Variants in CPA6 observed in about 807,000 individuals in gnomAD.
CPA6 encodes carboxypeptidase B.
Under a neutral mutation model 63.3 loss-of-function variants are expected in CPA6, and 58 were observed. The observed-to-expected ratio is 0.92, with a 90% CI of 0.74 to 1.14. The LOEUF is 1.14. Among genes scored for constraint, CPA6 ranks in the 50% most tolerant of loss-of-function variants. The pLI, the probability that CPA6 is intolerant of heterozygous loss-of-function variation, is 0.00. For missense variants in CPA6, 565 were observed against 526.6 expected (o/e 1.07, Z -0.71); for synonymous variants, 185 against 179.0 (o/e 1.03, Z -0.27).
At chr8:67,616,501 ATGTGTGTGTGTG>A (rs4009134) in intron 2 of CPA6, among the ~76,000 whole-genome samples, 2,936 of 127,028 alleles carry the variant, frequency 0.023, 49 homozygotes, top group African/African-American at 0.062. Flanking sequence ...GGCAAATTGA[ATGTGTGTGTGTG>A]TGTGTGTGTG....
At chr8:67,431,226 A>C (rs1214174179) in intron 9 of CPA6, among the ~76,000 whole-genome samples, 1 of 151,986 alleles carries the variant, frequency 6.6e-6, no homozygotes, top group African/African-American at 2.4e-5. Context: ...ATAAAATACG[A>C]AGAACATTCT....
At chr8:67,705,266 C>A (rs1295472673) in intron 1 of CPA6, among the ~76,000 whole-genome samples, 1 of 152,170 alleles carries the variant, frequency 6.6e-6, no homozygotes, top group Non-Finnish European at 1.5e-5. Flanking sequence ...ATCCCCACCC[C>A]CGATGGCCTT....
chr8:67,434,941 G>A (rs1057041405), intron 8 of CPA6, among the ~76,000 whole-genome samples: 2 of 152,230 alleles, frequency 1.3e-5, no homozygotes, highest in East Asian at 1.9e-4. Flanking sequence ...AGGCGCCTGC[G>A]CCCAGACCCT....
At chr8:67,721,566 TAACTAGTATCAGGACACTGAC>T (rs1471078945) in intron 1 of CPA6, among the ~76,000 whole-genome samples, 1 of 152,146 alleles carries the variant, frequency 6.6e-6, no homozygotes, top group African/African-American at 2.4e-5. Context: ...CACCACAATA[TAACTAGTATCAGGACACTGAC>T]AGGGAAGGTC....
At chr8:67,632,824 T>C (rs1334508132) in intron 1 of CPA6, among the ~76,000 whole-genome samples, 1 of 152,248 alleles carries the variant, frequency 6.6e-6, no homozygotes, top group Non-Finnish European at 1.5e-5. Context: ...CTCTGTAGAC[T>C]TCGTTGCATT....
intron 1 of CPA6, among the ~76,000 whole-genome samples, chr8:67,643,923 C>A (rs1192058631): frequency 6.6e-6 from 1 of 152,096 alleles, no homozygotes; most frequent in Non-Finnish European, 1.5e-5. Flanking sequence ...AAAATAGACA[C>A]TGGCTTGTTA....
intron 1 of CPA6, among the ~76,000 whole-genome samples, chr8:67,681,250 C>G (rs1018242373): frequency 8.1e-6 from 1 of 123,330 alleles, no homozygotes; most frequent in Non-Finnish European, 1.6e-5. Context: ...TCGCCCAGGC[C>G]GGACTGCGGA....
At chr8:67,504,316 A>T (rs1193183246) in intron 6 of CPA6, among the ~76,000 whole-genome samples, 1 of 152,190 alleles carries the variant, frequency 6.6e-6, no homozygotes, top group East Asian at 1.9e-4. Flanking sequence ...ATGTGATCCA[A>T]CAATTCCTGC....
intron 1 of CPA6, among the ~76,000 whole-genome samples, chr8:67,639,325 G>C (rs1815537669): frequency 6.6e-6 from 1 of 151,572 alleles, no homozygotes; most frequent in Non-Finnish European, 1.5e-5. Flanking sequence ...TCTCAGTCTG[G>C]CAGGCTGTGC....
chr8:67,437,064 G>A (rs1388087295), intron 8 of CPA6, among the ~76,000 whole-genome samples: 1 of 152,156 alleles, frequency 6.6e-6, no homozygotes, highest in African/African-American at 2.4e-5. Flanking sequence ...TGCCTCAGAA[G>A]CAAGTGGGCT....
intron 2 of CPA6, among the ~76,000 whole-genome samples, chr8:67,563,121 A>G (rs754182312): frequency 2.0e-5 from 1 of 49,592 alleles, no homozygotes; most frequent in Non-Finnish European, 7.1e-5. Flanking sequence ...GAATGAAGAG[A>G]AAAAAAAAAA....
At chr8:67,657,270 G>A (rs541134967) in intron 1 of CPA6, among the ~76,000 whole-genome samples, 117 of 152,282 alleles carry the variant, frequency 7.7e-4, no homozygotes, top group Middle Eastern at 3.4e-3. Flanking sequence ...GAAGTCCTTC[G>A]TGATTACAGC....
chr8:67,599,394 C>A (rs981686070), intron 2 of CPA6, among the ~76,000 whole-genome samples: 2 of 152,164 alleles, frequency 1.3e-5, no homozygotes, highest in Non-Finnish European at 2.9e-5. Context: ...CTTCATGCCT[C>A]CCTGGTTGCC....
At position 67,649,736 on chromosome 8, in the gene CPA6, C is replaced by T. The variant is rs182135514; in HGVS notation, c.117-25485G>A. Among the ~76,000 whole-genome samples, 4 of 152,180 alleles carry T rather than the reference C, an allele frequency of 2.6e-5. No homozygotes were observed. The East Asian group carries it at 5.8e-4, about 22-fold the overall frequency. ...GGCATGAGAACTGTATAGCTATGAC[C>T]GCCTGTGACTTGTTCTTTTGAATCT... On this transcript the variant is annotated intron_variant, in intron 1 of 10. Transcript: ENST00000297770.
At chr8:67,461,231 T>C (rs1220935069) in intron 8 of CPA6, among the ~76,000 whole-genome samples, 1 of 142,086 alleles carries the variant, frequency 7.0e-6, no homozygotes, top group African/African-American at 2.7e-5. Flanking sequence ...TTTGTGTCCC[T>C]GGGTACTTGA....
chr8:67,565,307 G>A (rs1409799407), intron 2 of CPA6, among the ~76,000 whole-genome samples: 1 of 152,082 alleles, frequency 6.6e-6, no homozygotes, highest in Non-Finnish European at 1.5e-5. Context: ...AAGAAAAAGA[G>A]GATAATGGGA....
chr8:67,494,979 T>C (rs917378808), intron 6 of CPA6, among the ~76,000 whole-genome samples: 22 of 152,212 alleles, frequency 1.4e-4, no homozygotes, highest in African/African-American at 4.8e-4. Context: ...ATTCTTTTGG[T>C]CCATGAGAAT....
chr8:67,587,556 G>A (rs1813978032), intron 2 of CPA6, among the ~76,000 whole-genome samples: 1 of 152,120 alleles, frequency 6.6e-6, no homozygotes, highest in South Asian at 2.1e-4. Flanking sequence ...ACTTTCTCAG[G>A]TAATGTCACG....
At chr8:67,512,556 T>G (rs1324410134) in intron 3 of CPA6, among the ~76,000 whole-genome samples, 1 of 152,180 alleles carries the variant, frequency 6.6e-6, no homozygotes, top group Non-Finnish European at 1.5e-5. Context: ...TCATTAGTGT[T>G]CTTGATGTGA....
Sources: gnomAD v4.1 joint callset for allele counts (sites outside exome capture counted in the v4.1 genomes callset) on GRCh38, gnomAD v4.1.1 for gene constraint, MANE v1.5 for transcripts, NCBI Gene and HGNC (gene_info 2026-07-23, HGNC 2026-07-21) for gene names.